Variants in STAT5B observed in about 807,000 individuals in gnomAD.
The protein encoded by STAT5B is transcription factor STAT5B.
Under a neutral mutation model 107.8 loss-of-function variants are expected in STAT5B, and 21 were observed. The ratio of observed to expected loss-of-function variants is 0.19; its 90% CI spans 0.14 to 0.28. The LOEUF (loss-of-function observed/expected upper bound fraction) is 0.28. STAT5B is among the 10% of genes least tolerant of loss of function. The pLI is 1.00. For synonymous variants in STAT5B, 325 were observed against 401.7 expected, an observed-to-expected ratio of 0.81 and a Z score of 2.28; for missense variants, 565 against 1,008.2, an observed-to-expected ratio of 0.56 and a Z score of 5.95.
chr17:42,285,152 T>C, the STAT5B span, among the ~76,000 whole-genome samples: 1,831 of 151,892 alleles, frequency 0.012, 24 homozygotes, highest in South Asian at 0.022. Context: ...TGCAGTGGTA[T>C]GATCTCGGCT....
intron 1 of STAT5B, among the ~76,000 whole-genome samples, chr17:42,245,487 G>GCTTCT (rs945753174): frequency 2.0e-5 from 3 of 151,418 alleles, no homozygotes; most frequent in African/African-American, 7.3e-5. Flanking sequence ...GAGCAGCTGG[G>GCTTCT]ACCATAGGCA....
At chr17:42,283,593 A>G in the STAT5B span, among the ~76,000 whole-genome samples, 2 of 152,194 alleles carry the variant, frequency 1.3e-5, no homozygotes, top group African/African-American at 2.4e-5. Flanking sequence ...CTCAGGCAGG[A>G]TGGCCTTGTG....
At chr17:42,211,283 A>G (rs1015834266) in intron 13 of STAT5B, among the ~76,000 whole-genome samples, 11 of 152,042 alleles carry the variant, frequency 7.2e-5, no homozygotes, top group South Asian at 2.1e-4. Flanking sequence ...CGAGGCGGGC[A>G]GATCACCTGA....
chr17:42,266,587 C>T (rs1422824947), intron 1 of STAT5B, among the ~76,000 whole-genome samples: 19 of 150,610 alleles, frequency 1.3e-4, no homozygotes, highest in Admixed American at 1.3e-3. Flanking sequence ...AAATTATATG[C>T]TTTTTGGCCC....
intron 15 of STAT5B, among the ~76,000 whole-genome samples, chr17:42,208,736 A>T (rs978924352): frequency 2.7e-5 from 4 of 146,792 alleles, no homozygotes; most frequent in African/African-American, 1.0e-4. Flanking sequence ...AAAGTGATGA[A>T]TTTTTTTTTT....
At chr17:42,210,841 C>A (rs1282816282) in intron 13 of STAT5B, among the ~76,000 whole-genome samples, 2 of 152,088 alleles carry the variant, frequency 1.3e-5, no homozygotes, top group Non-Finnish European at 2.9e-5. Flanking sequence ...TTGTTAGGCT[C>A]CAAATTAAAC....
chr17:42,245,743 C>T (rs935684346), intron 1 of STAT5B, among the ~76,000 whole-genome samples: 2 of 151,878 alleles, frequency 1.3e-5, no homozygotes, highest in Middle Eastern at 3.2e-3. Flanking sequence ...AGGCTGGTTT[C>T]GAACTCCTGA....
At chr17:42,222,249 C>T (rs2080236500) in intron 5 of STAT5B, among the ~76,000 whole-genome samples, 2 of 151,762 alleles carry the variant, frequency 1.3e-5, no homozygotes, top group South Asian at 4.2e-4. Context: ...CAAGGCTTCT[C>T]TGAGACTGAG....
upstream of STAT5B, among the ~76,000 whole-genome samples, chr17:42,278,003 G>A (rs1393044345): frequency 2.0e-5 from 3 of 152,030 alleles, no homozygotes; most frequent in East Asian, 1.9e-4. Context: ...TAATCTGCCC[G>A]CCTCAGCCTC....
chr17:42,205,205 T>A (rs886262720), intron 16 of STAT5B, among the ~76,000 whole-genome samples: 22 of 150,980 alleles, frequency 1.5e-4, no homozygotes, highest in Admixed American at 1.3e-3. Flanking sequence ...TTTTTGTATG[T>A]TTTTTAGTAG....
chr17:42,216,861 T>G (rs1390670978), intron 11 of STAT5B, among the ~76,000 whole-genome samples: 1 of 152,020 alleles, frequency 6.6e-6, no homozygotes, highest in Non-Finnish European at 1.5e-5. Flanking sequence ...TACTTTTTAG[T>G]AGAGATGGGG....
At chr17:42,284,472 G>A in the STAT5B span, among the ~76,000 whole-genome samples, 1 of 152,122 alleles carries the variant, frequency 6.6e-6, no homozygotes, top group Non-Finnish European at 1.5e-5. Flanking sequence ...TCACCATATT[G>A]GCCAGGCTGA....
intron 2 of STAT5B, 148 bp downstream of exon 2, chr17:42,231,851 GA>G: frequency 1.6e-6 from 2 of 1,216,940 alleles, no homozygotes; most frequent in Non-Finnish European, 2.3e-6. Flanking sequence ...CCTATAAAAA[GA>G]AAAAAAATTT....
At chr17:42,275,326 A>G (rs1256577580) in intron 1 of STAT5B, 1 of 152,210 alleles carries the variant, frequency 6.6e-6, no homozygotes, top group African/African-American at 2.4e-5. Flanking sequence ...GCTCTTTGGC[A>G]AAGAGAGAAT....
At chr17:42,286,828 C>T in the STAT5B span, among the ~76,000 whole-genome samples, 3 of 152,212 alleles carry the variant, frequency 2.0e-5, no homozygotes, top group African/African-American at 4.8e-5. Flanking sequence ...ATCCAGCCAC[C>T]GACAGGCTGC....
intron 1 of STAT5B, among the ~76,000 whole-genome samples, chr17:42,262,776 GTATATATATACACATA>G: frequency 7.9e-6 from 1 of 126,192 alleles, no homozygotes; most frequent in South Asian, 2.4e-4. Flanking sequence ...ATACATATAT[GTATATATATACACATA>G]TATATGTGTG....
chr17:42,219,869 C>T, intron 5 of STAT5B, 27 bp from the exon 6 acceptor site: 1 of 1,614,072 alleles, frequency 6.2e-7, no homozygotes, highest in South Asian at 1.1e-5. Context: ...GAAACCATGA[C>T]CATCACCTCC....
At chr17:42,266,553 A>T (rs9909628) in intron 1 of STAT5B, among the ~76,000 whole-genome samples, 54,510 of 150,806 alleles carry the variant, frequency 0.36, 11,092 homozygotes, top group African/African-American at 0.56. Flanking sequence ...AAATAAAAAA[A>T]AAAAAAAAAA....
At chr17:42,246,079 G>C (rs1396884573) in intron 1 of STAT5B, among the ~76,000 whole-genome samples, 1 of 152,176 alleles carries the variant, frequency 6.6e-6, no homozygotes, top group African/African-American at 2.4e-5. Context: ...GTTACATTTA[G>C]GTGAAGGGGC....
Sources: gnomAD v4.1 joint callset for allele counts (sites outside exome capture counted in the v4.1 genomes callset) on GRCh38, gnomAD v4.1.1 for gene constraint, MANE v1.5 for transcripts, NCBI Gene and HGNC (gene_info 2026-07-23, HGNC 2026-07-21) for gene names.